Variants in SLC23A2 observed in about 807,000 individuals in gnomAD.
The protein encoded by SLC23A2 is Na(+)/L-ascorbic acid transporter 2.
SLC23A2 carries 36 observed loss-of-function variants against 73.3 expected under a neutral mutation model. The ratio of observed to expected loss-of-function variants is 0.49; its 90% CI spans 0.38 to 0.65. The LOEUF (loss-of-function observed/expected upper bound fraction) is 0.65, where lower values mean the gene tolerates loss of function less well. SLC23A2 is among the 30% of genes least tolerant of loss of function. SLC23A2 has a pLI of 0.00. For missense variants in SLC23A2, 507 were observed against 841.6 expected, an observed-to-expected ratio of 0.60 and a Z score of 4.92; for synonymous variants, 343 against 327.3, an observed-to-expected ratio of 1.05 and a Z score of -0.52.
At chr20:4,945,224 T>C (rs373263465) in intron 2 of SLC23A2, among the ~76,000 whole-genome samples, 1 of 152,152 alleles carries the variant, frequency 6.6e-6, no homozygotes, top group African/African-American at 2.4e-5. Context: ...TCACAGCATG[T>C]GACTGAATTT....
intron 2 of SLC23A2, among the ~76,000 whole-genome samples, chr20:4,965,695 G>A (rs1420194309): frequency 2.6e-5 from 4 of 151,726 alleles, no homozygotes; most frequent in Non-Finnish European, 2.9e-5. Context: ...AGCCGGGCGC[G>A]GTGGCTCAAG....
chr20:4,987,513 T>C (rs954030251), intron 1 of SLC23A2, among the ~76,000 whole-genome samples: 6 of 152,088 alleles, frequency 3.9e-5, no homozygotes, highest in South Asian at 2.1e-4. Flanking sequence ...TCTGTGAGGA[T>C]TGCAGGGTCA....
chr20:4,867,645 AAAAGG>A (rs1930258292), intron 13 of SLC23A2, 120 bp downstream of exon 13: 1 of 505,780 alleles, frequency 2.0e-6, no homozygotes, highest in Non-Finnish European at 3.5e-6. Context: ...AAAAAAAAAA[AAAAGG>A]AGAGAAGTAA....
chr20:4,898,964 C>G (rs1260418315), intron 6 of SLC23A2, among the ~76,000 whole-genome samples: 3 of 152,132 alleles, frequency 2.0e-5, no homozygotes, highest in Non-Finnish European at 4.4e-5. Context: ...GGAAGACACA[C>G]AAGAAGGTAG....
Position 4,962,354 on chromosome 20 carries a change from G to A in SLC23A2, c.-155+8439C>T, listed in dbSNP as rs532973957. Among the ~76,000 whole-genome samples, 225 of 152,232 alleles carry A rather than the reference G, an allele frequency of 1.5e-3. 2 individuals carry two copies. In the Middle Eastern group the frequency reaches 0.017, roughly 12 times the overall value. On this transcript the variant is annotated intron_variant, in intron 2 of 16. Transcript: ENST00000338244. The stretch of plus-strand genomic sequence containing the variant: ...ACCATGTTAGTAAGATGGCAGCCAC[G>A]TGATTTCCTGTGGCGTCCATAGCAG...
In SLC23A2 at chr20:4,877,047, G is replaced by C. The variant is rs535324651; in HGVS notation, c.825-2351C>G. Among the ~76,000 whole-genome samples the C allele has an allele frequency of 2.6e-5, 4 of 152,182 alleles. No individual in the cohort carries two copies. The South Asian group carries it at 8.3e-4, about 32-fold the overall frequency. On this transcript the variant is annotated intron_variant, in intron 9 of 16. Transcript: ENST00000338244. ...GGACGGGGGAGGGATAGCATTAGGA[G>C]ATATACCTAATGTAAATGACGAGTT...
intron 2 of SLC23A2, among the ~76,000 whole-genome samples, chr20:4,955,356 AACAC>A (rs71197734): frequency 0.062 from 8,928 of 144,566 alleles, 376 homozygotes; most frequent in Admixed American, 0.14. Context: ...AATGAGTTAA[AACAC>A]ACACACACAC....
intron 1 of SLC23A2, among the ~76,000 whole-genome samples, chr20:4,986,689 C>CACACACACACAGAGAGAG (rs71197739): frequency 7.7e-6 from 1 of 129,890 alleles, no homozygotes; most frequent in Non-Finnish European, 1.6e-5. Context: ...CACACACACA[C>CACACACACACAGAGAGAG]AGAGATGAAT....
At chr20:4,931,574 C>T (rs1445235459) in intron 3 of SLC23A2, among the ~76,000 whole-genome samples, 1 of 152,068 alleles carries the variant, frequency 6.6e-6, no homozygotes, top group Non-Finnish European at 1.5e-5. Flanking sequence ...CTACGCAACA[C>T]AGTGAGACCC....
chr20:4,922,058 C>A (rs1481889430), intron 3 of SLC23A2, among the ~76,000 whole-genome samples: 1 of 152,130 alleles, frequency 6.6e-6, no homozygotes, highest in African/African-American at 2.4e-5. Context: ...AACTTTTTCT[C>A]CAATAGAATT....
intron 2 of SLC23A2, among the ~76,000 whole-genome samples, chr20:4,943,442 C>A (rs149645562): frequency 0.017 from 2,623 of 151,394 alleles, 72 homozygotes; most frequent in African/African-American, 0.059. Flanking sequence ...CTGAGGCAGG[C>A]GGATCGCTTG....
chr20:4,967,099 G>A (rs569808800), intron 2 of SLC23A2, among the ~76,000 whole-genome samples: 1 of 149,164 alleles, frequency 6.7e-6, no homozygotes, highest in East Asian at 2.0e-4. Flanking sequence ...CTCTTTGAGG[G>A]AAGCCCAGAA....
At position 4,910,688 on chromosome 20, in the gene SLC23A2, G is replaced by A. The variant is rs534661786; in HGVS notation, c.207+2192C>T. On this transcript the variant is annotated intron_variant, in intron 4 of 16. Transcript: ENST00000338244. ...TGACCTCAAGTGATCCACCCATCTCGGCCTCCCAAAGTGCTGTGATTGCAG... is the reference window on the plus strand; with the variant it reads ...TGACCTCAAGTGATCCACCCATCTCAGCCTCCCAAAGTGCTGTGATTGCAG... 9.0e-4 allele frequency among the ~76,000 whole-genome samples: 137 copies of A among 152,150 alleles called. 2 individuals carry two copies. The highest frequency in any genetic ancestry group is 8.3e-4 in the South Asian group (4 of 4,818).
At chr20:4,901,328 A>G (rs1397008267) in intron 5 of SLC23A2, among the ~76,000 whole-genome samples, 2 of 152,094 alleles carry the variant, frequency 1.3e-5, no homozygotes, top group Non-Finnish European at 2.9e-5. Flanking sequence ...CTCTCTGGAC[A>G]ATGAGATGGA....
At chr20:4,974,019 A>C (rs75333496) in intron 1 of SLC23A2, among the ~76,000 whole-genome samples, 1,852 of 152,292 alleles carry the variant, frequency 0.012, 33 homozygotes, top group East Asian at 0.05. Flanking sequence ...CACTGACTCA[A>C]CATCATTTCC....
intron 6 of SLC23A2, among the ~76,000 whole-genome samples, chr20:4,889,874 G>C (rs66924673): frequency 0.081 from 12,402 of 152,192 alleles, 1,199 homozygotes; most frequent in African/African-American, 0.24. Context: ...TTAAGTCTTT[G>C]TGGCAAGTTG....
At chr20:4,918,704 G>A (rs1932406195) in intron 3 of SLC23A2, among the ~76,000 whole-genome samples, 1 of 152,034 alleles carries the variant, frequency 6.6e-6, no homozygotes, top group South Asian at 2.1e-4. Context: ...GCTGCTTCGT[G>A]ACACCTGTCA....
intron 15 of SLC23A2, among the ~76,000 whole-genome samples, chr20:4,859,723 T>C (rs1442371659): frequency 4.6e-5 from 7 of 152,060 alleles, no homozygotes; most frequent in Non-Finnish European, 8.8e-5. Context: ...AAAAAAATGG[T>C]AGTCATAAGG....
intron 1 of SLC23A2, among the ~76,000 whole-genome samples, chr20:4,975,141 A>T (rs2087623207): frequency 6.6e-6 from 1 of 152,156 alleles, no homozygotes; most frequent in South Asian, 2.1e-4. Flanking sequence ...AAATTACAAA[A>T]GCAAATTACT....
Sources: allele counts gnomAD v4.1 joint callset (sites outside exome capture counted in the v4.1 genomes callset), GRCh38; gene constraint gnomAD v4.1.1; transcripts MANE v1.5; gene names NCBI Gene and HGNC (gene_info 2026-07-23, HGNC 2026-07-21).